Variants in ZC3H12B observed in about 807,000 individuals in gnomAD.
ZC3H12B encodes zinc finger CCCH-type containing 12B, also known as probable ribonuclease ZC3H12B.
In ZC3H12B, 7 loss-of-function variants were observed where a neutral mutation model predicts 43.9. That is an observed-to-expected ratio of 0.16 (90% CI 0.09 to 0.30). The LOEUF (loss-of-function observed/expected upper bound fraction) is 0.30. ZC3H12B is among the 10% of genes least tolerant of loss of function. The pLI, the probability that ZC3H12B is intolerant of heterozygous loss-of-function variation, is 1.00. For synonymous variants in ZC3H12B, 222 were observed against 241.7 expected (o/e 0.92, Z 0.76); for missense variants, 475 against 670.2 (o/e 0.71, Z 3.22).
the ZC3H12B span, among the ~76,000 whole-genome samples, chrX:65,045,935 G>T: frequency 1.8e-5 from 2 of 111,757 alleles, no homozygotes; most frequent in Non-Finnish European, 1.9e-5. Flanking sequence ...TGGGTGACTA[G>T]GTGTATTTTC....
intron 3 of ZC3H12B, among the ~76,000 whole-genome samples, chrX:65,424,252 G>A (rs761063199): frequency 1.1e-4 from 12 of 112,125 alleles, no homozygotes; most frequent in South Asian, 7.4e-4. Flanking sequence ...TTTGTTAGCC[G>A]TACATACACC....
intron 2 of ZC3H12B, among the ~76,000 whole-genome samples, chrX:65,390,077 T>C (rs2066590764): frequency 8.9e-6 from 1 of 111,813 alleles, no homozygotes; most frequent in Non-Finnish European, 1.9e-5. Flanking sequence ...TATGCAGCCA[T>C]AAAAAAGGAT....
chrX:65,384,285 C>T (rs987648439), intron 2 of ZC3H12B, among the ~76,000 whole-genome samples: 19 of 107,261 alleles, frequency 1.8e-4, no homozygotes, highest in African/African-American at 3.1e-4. Flanking sequence ...AACCAAACAC[C>T]GCATATTCTC....
the ZC3H12B span, among the ~76,000 whole-genome samples, chrX:65,192,772 A>ATAGG: frequency 1.9e-5 from 2 of 107,192 alleles, no homozygotes; most frequent in African/African-American, 6.8e-5. Flanking sequence ...ATTTTCCCAG[A>ATAGG]TAGATAGATA....
chrX:65,288,917 T>A, the ZC3H12B span, among the ~76,000 whole-genome samples: 1 of 111,559 alleles, frequency 9.0e-6, no homozygotes, highest in Non-Finnish European at 1.9e-5. Context: ...AAAATCAACA[T>A]ACAAATATTA....
chrX:65,421,596 G>A (rs1444239566), intron 3 of ZC3H12B, among the ~76,000 whole-genome samples: 1 of 112,385 alleles, frequency 8.9e-6, no homozygotes, highest in Non-Finnish European at 1.9e-5. Context: ...CTTACTGAAT[G>A]CCTTGTCTCC....
At chrX:65,384,137 A>G (rs1275973256) in intron 2 of ZC3H12B, among the ~76,000 whole-genome samples, 8 of 102,150 alleles carry the variant, frequency 7.8e-5, no homozygotes, top group African/African-American at 2.8e-4. Context: ...CAACAATGAT[A>G]GACTGGATTA....
At chrX:65,399,204 G>A (rs974308455) in intron 3 of ZC3H12B, among the ~76,000 whole-genome samples, 1 of 112,217 alleles carries the variant, frequency 8.9e-6, no homozygotes, top group African/African-American at 3.2e-5. Flanking sequence ...CACAAGTTTT[G>A]CACAGCAAAG....
At chrX:65,115,939 T>C in the ZC3H12B span, among the ~76,000 whole-genome samples, 2 of 111,404 alleles carry the variant, frequency 1.8e-5, no homozygotes, top group South Asian at 3.7e-4. Context: ...TTTTAGATTC[T>C]TGATATTAGT....
At chrX:65,217,537 T>C in the ZC3H12B span, among the ~76,000 whole-genome samples, 1 of 112,113 alleles carries the variant, frequency 8.9e-6, no homozygotes. Flanking sequence ...ATAGTTTTCT[T>C]CAGGAAGCTT....
At chrX:65,166,701 C>T in the ZC3H12B span, among the ~76,000 whole-genome samples, 1 of 111,753 alleles carries the variant, frequency 8.9e-6, no homozygotes. Context: ...TCCTCTCCTG[C>T]ACCTGGTGTT....
chrX:65,039,065 A>T, the ZC3H12B span, among the ~76,000 whole-genome samples: 1 of 111,737 alleles, frequency 8.9e-6, no homozygotes, highest in East Asian at 2.8e-4. Context: ...GGAAAAAAAA[A>T]AGTGGAGACT....
the ZC3H12B span, among the ~76,000 whole-genome samples, chrX:65,302,894 T>C: frequency 2.9e-4 from 32 of 111,713 alleles, no homozygotes; most frequent in African/African-American, 1.0e-3. Flanking sequence ...GAGCAAAAGG[T>C]AATACAATGA....
At chrX:65,381,373 A>G (rs2066437242) in intron 2 of ZC3H12B, among the ~76,000 whole-genome samples, 1 of 111,962 alleles carries the variant, frequency 8.9e-6, no homozygotes, top group Non-Finnish European at 1.9e-5. Flanking sequence ...TAACGAAATG[A>G]AGGCAGAAAT....
intron 3 of ZC3H12B, among the ~76,000 whole-genome samples, chrX:65,458,202 C>T (rs941862711): frequency 1.8e-5 from 2 of 109,003 alleles, no homozygotes; most frequent in Non-Finnish European, 3.8e-5. Context: ...CACCCAGATT[C>T]GTAAAGCAAG....
At chrX:65,145,590 G>T in the ZC3H12B span, among the ~76,000 whole-genome samples, 1 of 111,753 alleles carries the variant, frequency 8.9e-6, no homozygotes, top group African/African-American at 3.3e-5. Context: ...TATAGGTCCT[G>T]TGAGATTTAT....
the ZC3H12B span, among the ~76,000 whole-genome samples, chrX:65,214,132 C>A: frequency 6.3e-5 from 7 of 111,218 alleles, no homozygotes; most frequent in Admixed American, 1.9e-4. Flanking sequence ...AATATTTTTA[C>A]TGGTGGTGGG....
At chrX:65,341,640 G>GT in the ZC3H12B span, among the ~76,000 whole-genome samples, 1 of 110,764 alleles carries the variant, frequency 9.0e-6, no homozygotes, top group Admixed American at 9.6e-5. Flanking sequence ...GAATAAGAGC[G>GT]TTTTCAAACA....
upstream of ZC3H12B, among the ~76,000 whole-genome samples, chrX:65,486,000 A>T (rs2068119723): frequency 8.9e-6 from 1 of 112,101 alleles, no homozygotes; most frequent in Non-Finnish European, 1.9e-5. Context: ...GGCACTAAAT[A>T]AATATTTTTG....
Sources: allele counts gnomAD v4.1 joint callset (sites outside exome capture counted in the v4.1 genomes callset), GRCh38; gene constraint gnomAD v4.1.1; transcripts MANE v1.5; gene names NCBI Gene and HGNC (gene_info 2026-07-23, HGNC 2026-07-21).